ZNF718: variants seen among roughly 807,000 people sequenced by gnomAD.
ZNF718 encodes the protein zinc finger protein 718.
Under a neutral mutation model 2.6 loss-of-function variants are expected in ZNF718, and 3 were observed. That is an observed-to-expected ratio of 1.16 (90% CI 0.53 to 3.01). The LOEUF is 3.01. Among genes scored for constraint, ZNF718 ranks in the 30% most tolerant of loss-of-function variants. ZNF718 has a pLI of 0.03. For missense variants in ZNF718, 468 were observed against 230.0 expected, an observed-to-expected ratio of 2.03 and a Z score of -6.69; for synonymous variants, 135 against 77.9, an observed-to-expected ratio of 1.73 and a Z score of -3.86.
intron 3 of ZNF718, among the ~76,000 whole-genome samples, chr4:155,375 C>G (rs1174690122): frequency 1.3e-5 from 2 of 152,174 alleles, no homozygotes; most frequent in Admixed American, 6.5e-5. Context: ...CACTCAACAC[C>G]AGCCCATGAA....
At chr4:174,164 T>C (rs1553818683) in intron 3 of ZNF718, among the ~76,000 whole-genome samples, 1 of 152,094 alleles carries the variant, frequency 6.6e-6, no homozygotes, top group Non-Finnish European at 1.5e-5. Context: ...AGCTCATTCT[T>C]CCCCGAAGCT....
At chr4:169,336 G>T (rs1717168721) in intron 3 of ZNF718, among the ~76,000 whole-genome samples, 1 of 152,100 alleles carries the variant, frequency 6.6e-6, no homozygotes, top group African/African-American at 2.4e-5. Flanking sequence ...TGTTGATTTG[G>T]GGTGGAGAGT....
chr4:166,594 T>C (rs1287058136), downstream of ZNF718, among the ~76,000 whole-genome samples: 1 of 152,272 alleles, frequency 6.6e-6, no homozygotes, highest in Non-Finnish European at 1.5e-5. Flanking sequence ...ATTTCTCTGA[T>C]GGCCAGTGAT....
chr4:199,218 T>C (rs529867565), intron 3 of ZNF718, among the ~76,000 whole-genome samples: 19 of 152,338 alleles, frequency 1.2e-4, no homozygotes, highest in Middle Eastern at 3.4e-3. Context: ...CCTCCTAGGT[T>C]TGGAGCTGTC....
intron 3 of ZNF718, among the ~76,000 whole-genome samples, chr4:194,032 C>T (rs1469065457): frequency 6.6e-6 from 1 of 152,180 alleles, no homozygotes; most frequent in Non-Finnish European, 1.5e-5. Flanking sequence ...GTCCACTTGC[C>T]TGAAGGCCAT....
rs1458828967 is a variant in ZNF718 at position 187,577 on chromosome 4, G to A, written c.227-13504G>A. ...GTACCTGGAAGTATCACCAGTTAAGGTTGCAATACAGCAAGGATGGCAGCA... is the reference window on the plus strand; with the variant it reads ...GTACCTGGAAGTATCACCAGTTAAGATTGCAATACAGCAAGGATGGCAGCA... On this transcript the variant is annotated intron_variant and NMD_transcript_variant, in intron 3 of 4. Coordinates refer to the ZNF718 transcript ENST00000642529. 6.4e-4 allele frequency among the ~76,000 whole-genome samples: 97 copies of A among 152,188 alleles called. 2 individuals are homozygous for A. Among genetic ancestry groups the A allele is most frequent in the Admixed American group, 6.3e-3 (96 of 15,276 alleles).
intron 3 of ZNF718, among the ~76,000 whole-genome samples, chr4:176,852 T>G (rs1427166707): frequency 6.6e-6 from 1 of 152,226 alleles, no homozygotes; most frequent in African/African-American, 2.4e-5. Context: ...GCAACTTTAG[T>G]GGCAGAATAT....
intron 3 of ZNF718, among the ~76,000 whole-genome samples, chr4:200,263 G>A (rs1457174807): frequency 1.3e-5 from 2 of 152,124 alleles, no homozygotes; most frequent in Non-Finnish European, 2.9e-5. Context: ...TTGTTTGTTT[G>A]TTTATTTGTT....
chr4:195,958 C>T (rs1717781970), intron 3 of ZNF718, among the ~76,000 whole-genome samples: 1 of 152,004 alleles, frequency 6.6e-6, no homozygotes. Context: ...CTCTTTGACT[C>T]CCTCTTTGTC....
intron 3 of ZNF718, among the ~76,000 whole-genome samples, chr4:134,282 G>A (rs181554949): frequency 6.6e-6 from 1 of 152,142 alleles, no homozygotes; most frequent in African/African-American, 2.4e-5. Context: ...AAGTAGCTGG[G>A]ACTACAGGTG....
intron 3 of ZNF718, among the ~76,000 whole-genome samples, chr4:147,297 G>A (rs1553811567): frequency 6.6e-6 from 1 of 152,170 alleles, no homozygotes; most frequent in African/African-American, 2.4e-5. Context: ...TGTTATATTT[G>A]CCTGATCCTT....
chr4:146,479 T>C (rs1455194281), intron 3 of ZNF718, among the ~76,000 whole-genome samples: 1 of 152,106 alleles, frequency 6.6e-6, no homozygotes, highest in African/African-American at 2.4e-5. Context: ...TGTCTTTGAA[T>C]TTTTGGCAGT....
chr4:189,172 T>C (rs2108815775), intron 3 of ZNF718, among the ~76,000 whole-genome samples: 1 of 151,792 alleles, frequency 6.6e-6, no homozygotes, highest in East Asian at 1.9e-4. Context: ...GCAATTCTCC[T>C]GCCTCAACCT....
At chr4:157,377 G>T (rs1262404680) in intron 3 of ZNF718, among the ~76,000 whole-genome samples, 9 of 152,064 alleles carry the variant, frequency 5.9e-5, no homozygotes, top group African/African-American at 2.2e-4. Flanking sequence ...GCCTCTCAAA[G>T]TGCTGGTATT....
intron 3 of ZNF718, among the ~76,000 whole-genome samples, chr4:183,212 G>T (rs1453014524): frequency 9.2e-5 from 14 of 152,072 alleles, no homozygotes; most frequent in Admixed American, 9.2e-4. Flanking sequence ...TCAGTTTTCT[G>T]CATATGGCTA....
intron 3 of ZNF718, among the ~76,000 whole-genome samples, chr4:181,351 TA>T (rs1328138282): frequency 6.6e-6 from 1 of 151,842 alleles, no homozygotes. Context: ...ATACCTAAGA[TA>T]TTTTTTGCCT....
chr4:184,397 G>C lies in ZNF718; in HGVS notation c.227-16684G>C, dbSNP rs1260395558. Among the ~76,000 whole-genome samples, 4 of 152,118 alleles carry C rather than the reference G, an allele frequency of 2.6e-5. No homozygotes were observed. The East Asian group carries it at 7.7e-4, about 29-fold the overall frequency. On this transcript the variant is annotated intron_variant and NMD_transcript_variant, in intron 3 of 4. Coordinates refer to the ZNF718 transcript ENST00000642529. ...TGGATAAGCTTTTCAATGGGCTGCT[G>C]GGTTGAGTTTGCCAGTATTTTGTTG...
intron 3 of ZNF718, among the ~76,000 whole-genome samples, chr4:179,691 G>A (rs782675311): frequency 6.6e-6 from 1 of 152,162 alleles, no homozygotes; most frequent in African/African-American, 2.4e-5. Flanking sequence ...CTTTTTAGAT[G>A]TATCATTGTC....
At chr4:189,612 A>T (rs1717653686) in intron 3 of ZNF718, among the ~76,000 whole-genome samples, 1 of 152,102 alleles carries the variant, frequency 6.6e-6, no homozygotes, top group African/African-American at 2.4e-5. Context: ...TGAAGGTTTT[A>T]TTTATTTTTC....
Sources: gnomAD v4.1 joint callset for allele counts (sites outside exome capture counted in the v4.1 genomes callset) on GRCh38, gnomAD v4.1.1 for gene constraint, MANE v1.5 for transcripts, NCBI Gene and HGNC (gene_info 2026-07-23, HGNC 2026-07-21) for gene names.